The following SLC30A8 variants were observed in gnomAD, a reference collection of about 807,000 sequenced individuals.
SLC30A8 encodes the protein solute carrier family 30 member 8.
A neutral mutation model predicts 36.9 loss-of-function variants in SLC30A8; 27 were observed. The ratio of observed to expected loss-of-function variants is 0.73; its 90% CI spans 0.54 to 1.01. The LOEUF is 1.01. Among genes scored for constraint, SLC30A8 ranks in the 50% least tolerant of loss-of-function variants. The pLI, the probability that SLC30A8 is intolerant of heterozygous loss-of-function variation, is 0.00. For missense variants in SLC30A8, 439 were observed against 452.0 expected (o/e 0.97, Z 0.26); for synonymous variants, 164 against 172.4 (o/e 0.95, Z 0.38).
At chr8:116,994,304 A>T (rs568365455) in intron 1 of SLC30A8, among the ~76,000 whole-genome samples, 1 of 152,104 alleles carries the variant, frequency 6.6e-6, no homozygotes, top group Non-Finnish European at 1.5e-5. Flanking sequence ...CTACTTCCAG[A>T]TCTAGACTCA....
chr8:117,005,397 C>T (rs1266879618), intron 1 of SLC30A8, among the ~76,000 whole-genome samples: 1 of 152,218 alleles, frequency 6.6e-6, no homozygotes, highest in Non-Finnish European at 1.5e-5. Flanking sequence ...TAGTACGTAT[C>T]AGTGTTTCAT....
At chr8:117,120,896 AATC>A (rs1470829681) in intron 2 of SLC30A8, among the ~76,000 whole-genome samples, 1 of 151,846 alleles carries the variant, frequency 6.6e-6, no homozygotes, top group African/African-American at 2.4e-5. Context: ...CAATATCACT[AATC>A]ATCAGAAAAA....
At chr8:117,053,176 G>A (rs1378625243) in intron 2 of SLC30A8, among the ~76,000 whole-genome samples, 2 of 152,140 alleles carry the variant, frequency 1.3e-5, no homozygotes, top group African/African-American at 4.8e-5. Flanking sequence ...TGATCTGCCC[G>A]CTTCGGCCTC....
intron 2 of SLC30A8, among the ~76,000 whole-genome samples, chr8:117,063,480 GACA>G (rs1334703090): frequency 6.6e-6 from 1 of 152,126 alleles, no homozygotes; most frequent in Non-Finnish European, 1.5e-5. Flanking sequence ...CCCCAAAGCA[GACA>G]ACAATTTCAA....
chr8:117,150,288 G>A (rs141671510), intron 2 of SLC30A8, among the ~76,000 whole-genome samples: 6 of 152,310 alleles, frequency 3.9e-5, no homozygotes, highest in East Asian at 1.9e-4. Flanking sequence ...CATGGCTAAC[G>A]TTGTCAGATA....
chr8:117,088,013 G>C (rs1162264826), intron 2 of SLC30A8, among the ~76,000 whole-genome samples: 1 of 151,822 alleles, frequency 6.6e-6, no homozygotes, highest in African/African-American at 2.4e-5. Context: ...GGGAAAGAAA[G>C]GGAGGAAAAA....
chr8:116,963,983 A>G (rs1251044544), intron 1 of SLC30A8, among the ~76,000 whole-genome samples: 5 of 152,230 alleles, frequency 3.3e-5, no homozygotes, highest in African/African-American at 1.2e-4. Context: ...GTGAAACGTT[A>G]AAGGCCTTCT....
At chr8:117,087,984 A>C (rs1408493490) in intron 2 of SLC30A8, among the ~76,000 whole-genome samples, 1 of 151,996 alleles carries the variant, frequency 6.6e-6, no homozygotes, top group African/African-American at 2.4e-5. Flanking sequence ...AGAGAGGAAG[A>C]AAGGTAAATG....
At chr8:117,144,983 G>C (rs1821835954) in intron 1 of SLC30A8, among the ~76,000 whole-genome samples, 1 of 151,950 alleles carries the variant, frequency 6.6e-6, no homozygotes, top group South Asian at 2.1e-4. Flanking sequence ...GTTTGAGAGG[G>C]GATAATCTCT....
At chr8:117,152,744 T>C (rs1472677514) in intron 2 of SLC30A8, among the ~76,000 whole-genome samples, 200 bp from the exon 3 acceptor site, 1 of 152,206 alleles carries the variant, frequency 6.6e-6, no homozygotes, top group African/African-American at 2.4e-5. Context: ...GAATGGCTTC[T>C]CCTTTGAAAT....
intron 1 of SLC30A8, among the ~76,000 whole-genome samples, chr8:117,006,784 T>C (rs1322795350): frequency 2.4e-5 from 3 of 123,588 alleles, no homozygotes; most frequent in African/African-American, 6.6e-5. Context: ...TTTTTTTTTT[T>C]TTTTTTTTTT....
At chr8:117,016,086 G>C (rs1478192947) in intron 1 of SLC30A8, among the ~76,000 whole-genome samples, 1 of 152,164 alleles carries the variant, frequency 6.6e-6, no homozygotes, top group African/African-American at 2.4e-5. Flanking sequence ...CTTTCAGCCA[G>C]GTGAATCAGT....
chr8:116,972,264 A>G (rs1254030793), intron 1 of SLC30A8, among the ~76,000 whole-genome samples: 2 of 152,324 alleles, frequency 1.3e-5, no homozygotes, highest in East Asian at 3.9e-4. Flanking sequence ...AGCAATTTAT[A>G]CTTTTGCTGA....
chr8:117,144,990 C>A (rs1821836347), intron 1 of SLC30A8, among the ~76,000 whole-genome samples: 1 of 152,108 alleles, frequency 6.6e-6, no homozygotes. Context: ...AGGGGATAAT[C>A]TCTCTATGTA....
At chr8:117,048,353 C>A (rs116473911) in intron 2 of SLC30A8, among the ~76,000 whole-genome samples, 5 of 152,142 alleles carry the variant, frequency 3.3e-5, no homozygotes, top group Admixed American at 1.3e-4. Context: ...ACAGGATTGA[C>A]GAGCTGGCAG....
At chr8:117,017,233 T>C (rs928842622) in intron 1 of SLC30A8, among the ~76,000 whole-genome samples, 3 of 152,192 alleles carry the variant, frequency 2.0e-5, no homozygotes, top group African/African-American at 2.4e-5. Context: ...CTGCTGTTAT[T>C]AATATTATTA....
At chr8:117,117,506 T>G (rs1820492241) in intron 2 of SLC30A8, among the ~76,000 whole-genome samples, 1 of 151,946 alleles carries the variant, frequency 6.6e-6, no homozygotes, top group South Asian at 2.1e-4. Context: ...ATGAAAAAAT[T>G]TTAGTCTTGT....
At chr8:117,155,456 G>A (rs1037423343) in intron 3 of SLC30A8, among the ~76,000 whole-genome samples, 1 of 152,152 alleles carries the variant, frequency 6.6e-6, no homozygotes, top group African/African-American at 2.4e-5. Context: ...AAGGGGAGTC[G>A]TAAGTAGCCT....
intron 2 of SLC30A8, among the ~76,000 whole-genome samples, chr8:117,078,178 T>C (rs1263426215): frequency 6.6e-6 from 1 of 152,226 alleles, no homozygotes; most frequent in Non-Finnish European, 1.5e-5. Context: ...GATAAGGCAG[T>C]CTTAGGTTAT....
Sources: gnomAD v4.1 joint callset for allele counts (sites outside exome capture counted in the v4.1 genomes callset) on GRCh38, gnomAD v4.1.1 for gene constraint, MANE v1.5 for transcripts, NCBI Gene and HGNC (gene_info 2026-07-23, HGNC 2026-07-21) for gene names.